The following MEF2C variants were observed in gnomAD, a reference collection of about 807,000 sequenced individuals.
The protein encoded by MEF2C is myocyte-specific enhancer factor 2C.
In MEF2C, 6 loss-of-function variants were observed where a neutral mutation model predicts 50.5. That is an observed-to-expected ratio of 0.12 (90% CI 0.07 to 0.23). The LOEUF (loss-of-function observed/expected upper bound fraction) is 0.23, where lower values mean the gene tolerates loss of function less well. MEF2C is among the 10% of genes least tolerant of loss of function. MEF2C has a pLI of 1.00. For synonymous variants in MEF2C, 183 were observed against 228.0 expected (o/e 0.80, Z 1.78); for missense variants, 276 against 605.0 (o/e 0.46, Z 5.70).
chr5:88,780,365 T>C lies in MEF2C; in HGVS notation c.259-19037A>G, dbSNP rs533422307. On this transcript the variant is annotated intron_variant, in intron 3 of 10. Transcript: ENST00000504921. ...TGTTGTACCTCCTATCAGTTAAAGT[T>C]GACTGAGATGGCCATCCCTCCCCAA... Among the ~76,000 whole-genome samples, 4 of 152,284 alleles carry C rather than the reference T, an allele frequency of 2.6e-5. 1 individual carries two copies. The highest frequency in any genetic ancestry group is 9.6e-5 in the African/African-American group (4 of 41,554).
chr5:88,882,089 T>C (rs1444441913), intron 1 of MEF2C, among the ~76,000 whole-genome samples: 1 of 152,232 alleles, frequency 6.6e-6, no homozygotes, highest in African/African-American at 2.4e-5. Flanking sequence ...AATAGCCATG[T>C]TCAGGGAAGG....
At chr5:88,807,966 T>C (rs567345016) in intron 2 of MEF2C, among the ~76,000 whole-genome samples, 1 of 152,362 alleles carries the variant, frequency 6.6e-6, no homozygotes, top group African/African-American at 2.4e-5. Flanking sequence ...ATTTCATCTT[T>C]ATTGATTGTC....
intron 6 of MEF2C, chr5:88,733,234 G>A (rs1561707740): frequency 1.0e-6 from 1 of 985,294 alleles, no homozygotes; most frequent in Non-Finnish European, 1.2e-6. Flanking sequence ...TGACTGGGCA[G>A]TAGGAAAGGG....
At chr5:88,837,686 A>T (rs1344928144) in intron 1 of MEF2C, among the ~76,000 whole-genome samples, 1 of 152,232 alleles carries the variant, frequency 6.6e-6, no homozygotes, top group Non-Finnish European at 1.5e-5. Context: ...CAAAAGTATC[A>T]TCCTACAGAA....
chr5:88,870,791 C>T (rs1240542963), intron 1 of MEF2C, among the ~76,000 whole-genome samples: 2 of 152,088 alleles, frequency 1.3e-5, no homozygotes, highest in Non-Finnish European at 2.9e-5. Flanking sequence ...CCAAACCACT[C>T]TACCACAGCC....
At chr5:88,900,995 A>T (rs1835594895) in intron 1 of MEF2C, among the ~76,000 whole-genome samples, 1 of 152,088 alleles carries the variant, frequency 6.6e-6, no homozygotes, top group African/African-American at 2.4e-5. Flanking sequence ...TGTGGGCATC[A>T]TTACCTGGCT....
intron 3 of MEF2C, among the ~76,000 whole-genome samples, chr5:88,773,788 T>A (rs1268532760): frequency 1.3e-5 from 2 of 152,190 alleles, no homozygotes; most frequent in African/African-American, 4.8e-5. Flanking sequence ...TTTAGTCAGG[T>A]TTGCCAGGTC....
chr5:88,793,815 C>T (rs982059606), intron 3 of MEF2C, among the ~76,000 whole-genome samples: 1 of 151,834 alleles, frequency 6.6e-6, no homozygotes, highest in Non-Finnish European at 1.5e-5. Context: ...CCACGACAGG[C>T]CCTGCTGTGT....
chr5:88,891,460 C>T (rs540533401), intron 1 of MEF2C, among the ~76,000 whole-genome samples: 14 of 134,362 alleles, frequency 1.0e-4, no homozygotes, highest in East Asian at 6.6e-4. Context: ...TGCAGTGGTG[C>T]GATCTTGGCT....
chr5:88,888,120 A>T (rs1192209086), upstream of MEF2C: 1 of 152,272 alleles, frequency 6.6e-6, no homozygotes, highest in African/African-American at 2.4e-5. Flanking sequence ...CTTTGGGATT[A>T]GTGATGTGTA....
chr5:88,779,557 C>T (rs1238922562), intron 3 of MEF2C, among the ~76,000 whole-genome samples: 6 of 151,950 alleles, frequency 3.9e-5, no homozygotes, highest in Non-Finnish European at 8.8e-5. Context: ...GCCAGTCTCA[C>T]ATTAACTGCA....
chr5:88,728,671 G>C, intron 9 of MEF2C, 43 bp from the exon 10 acceptor site: 1 of 1,269,602 alleles, frequency 7.9e-7, no homozygotes, highest in East Asian at 3.0e-5. Flanking sequence ...ATTAAATTTA[G>C]AAATTATCAA....
chr5:88,751,220 T>C, intron 5 of MEF2C: 1 of 984,040 alleles, frequency 1.0e-6, no homozygotes, highest in Non-Finnish European at 1.2e-6. Context: ...AGAAATAATT[T>C]ATTTTTCTCT....
intron 1 of MEF2C, among the ~76,000 whole-genome samples, chr5:88,877,662 T>G (rs1321890932): frequency 1.3e-5 from 2 of 152,062 alleles, no homozygotes; most frequent in Admixed American, 1.3e-4. Context: ...CCCTTTATTT[T>G]GTTATGCCTC....
At chr5:88,723,938 C>A (rs1224042358) in intron 10 of MEF2C, among the ~76,000 whole-genome samples, 3 of 152,154 alleles carry the variant, frequency 2.0e-5, no homozygotes, top group African/African-American at 7.2e-5. Flanking sequence ...AAGTATTAAG[C>A]CCTTAAGTGT....
chr5:88,798,808 C>G (rs190442492), intron 3 of MEF2C, among the ~76,000 whole-genome samples: 1 of 152,202 alleles, frequency 6.6e-6, no homozygotes, highest in Admixed American at 6.5e-5. Context: ...ATGCTGGTGA[C>G]CTTTGGATGG....
At chr5:88,821,105 T>G (rs1409853378) in intron 2 of MEF2C, among the ~76,000 whole-genome samples, 1 of 151,996 alleles carries the variant, frequency 6.6e-6, no homozygotes, top group Non-Finnish European at 1.5e-5. Flanking sequence ...AAAAAAATGA[T>G]AAGTCAAACT....
intron 3 of MEF2C, among the ~76,000 whole-genome samples, chr5:88,783,533 T>C (rs1789272203): frequency 6.6e-6 from 1 of 152,084 alleles, no homozygotes; most frequent in Non-Finnish European, 1.5e-5. Context: ...CTCGGGAGGC[T>C]GAGGAAGAAT....
rs74406422 is a variant in MEF2C, at chr5:88,726,001, T to C, written c.1100+2492A>G. 5.5e-3 allele frequency among the ~76,000 whole-genome samples: 838 copies of C among 152,264 alleles called. 1 individual carries two copies. Among genetic ancestry groups the C allele is most frequent in the Non-Finnish European group, 8.5e-3 (578 of 67,984 alleles). ...GGCAAGTTCCTCTGTCAGCCATCTC[T>C]CTCCCTATAGCAAATAAATTTGTGT... On this transcript the variant is annotated intron_variant, in intron 10 of 10. Coordinates refer to ENST00000504921, the MANE Select transcript of MEF2C (RefSeq NM_002397.5).
Sources: allele counts gnomAD v4.1 joint callset (sites outside exome capture counted in the v4.1 genomes callset), GRCh38; gene constraint gnomAD v4.1.1; transcripts MANE v1.5; gene names NCBI Gene and HGNC (gene_info 2026-07-23, HGNC 2026-07-21).